Variants in AMBRA1 observed in about 807,000 individuals in gnomAD.
AMBRA1 encodes the protein activating molecule in BECN1-regulated autophagy protein 1.
AMBRA1 carries 47 observed loss-of-function variants against 125.4 expected under a neutral mutation model. The observed-to-expected ratio is 0.37, with a 90% CI of 0.30 to 0.48. AMBRA1 has a LOEUF of 0.48. AMBRA1 is among the 20% of genes least tolerant of loss of function. The pLI, the probability that AMBRA1 is intolerant of heterozygous loss-of-function variation, is 0.99. For synonymous variants in AMBRA1, 626 were observed against 655.5 expected (o/e 0.95, Z 0.69); for missense variants, 1,331 against 1,693.4 (o/e 0.79, Z 3.76).
intron 11 of AMBRA1, among the ~76,000 whole-genome samples, chr11:46,464,889 AC>A (rs1949256641): frequency 6.6e-6 from 1 of 152,114 alleles, no homozygotes; most frequent in African/African-American, 2.4e-5. Context: ...TACTAAAAAT[AC>A]AAAAATTAGC....
In AMBRA1 at chr11:46,475,076, AAC is replaced by A. The variant is rs560614715; in HGVS notation, c.2521+18530_2521+18531del. ...GAATTGAATATATCTTAAACTGAAA[AAC>A]AGTCTTATCAATAGAAAAAAAATTA... On this transcript the variant is annotated intron_variant, in intron 11 of 17. Coordinates refer to ENST00000683756, the MANE Select transcript of AMBRA1 (RefSeq NM_001387011.1). Among the ~76,000 whole-genome samples the A allele has an allele frequency of 2.7e-3, 407 of 152,276 alleles. 2 individuals are homozygous for A. Among genetic ancestry groups the A allele is most frequent in the African/African-American group, 9.3e-3 (385 of 41,560 alleles).
At position 46,543,174 on chromosome 11, in the gene AMBRA1, GC is replaced by G; in HGVS notation, c.842del (p.Arg281ProfsTer85). 1 of 1,570,062 alleles carries G rather than the reference GC, an allele frequency of 6.4e-7. No homozygotes were observed. The highest frequency in any genetic ancestry group is 8.6e-7 in the Non-Finnish European group (1 of 1,159,466). On this transcript the variant is annotated frameshift_variant, in exon 7 of 18. Transcript: ENST00000683756. LOFTEE classifies it high-confidence loss of function. ...GCCTGATGTAAGCGGAAGTCCTGGG[GC>G]GCTCCGTGGAGGGCTGAGGGGGAGG... is the stretch of plus-strand genomic sequence containing the variant. ...PPPPPQPSTE[R>X]PRTSAYIRLR...
At chr11:46,437,091 C>T (rs1947757867) in intron 12 of AMBRA1, among the ~76,000 whole-genome samples, 1 of 152,070 alleles carries the variant, frequency 6.6e-6, no homozygotes, top group Admixed American at 6.6e-5. Flanking sequence ...GCTATAGTAA[C>T]CCTCAAAACT....
chr11:46,438,060 C>T (rs1214125643), intron 12 of AMBRA1, among the ~76,000 whole-genome samples: 6 of 152,102 alleles, frequency 3.9e-5, no homozygotes, highest in Admixed American at 1.3e-4. Flanking sequence ...CTGAGAAATG[C>T]GACCTTGTCA....
intron 1 of AMBRA1, among the ~76,000 whole-genome samples, chr11:46,569,259 A>T (rs888092104): frequency 2.0e-5 from 3 of 149,520 alleles, no homozygotes; most frequent in African/African-American, 7.3e-5. Flanking sequence ...AAAAAAAAAA[A>T]GTAACCCTCC....
chr11:46,507,497 G>A (rs77047001), intron 9 of AMBRA1, among the ~76,000 whole-genome samples: 6,763 of 137,316 alleles, frequency 0.049, 493 homozygotes, highest in African/African-American at 0.16. Context: ...AAAAAAAAAA[G>A]ATTGGCTAGC....
intron 15 of AMBRA1, among the ~76,000 whole-genome samples, chr11:46,411,013 A>G (rs1946263104): frequency 6.6e-6 from 1 of 151,690 alleles, no homozygotes; most frequent in African/African-American, 2.4e-5. Context: ...AGGCAGGAGA[A>G]TCACTTGAAC....
intron 7 of AMBRA1, chr11:46,518,287 G>C (rs1312213661): frequency 5.3e-6 from 1 of 187,036 alleles, no homozygotes. Context: ...AAAATTAGCC[G>C]GGCGTGGTGG....
intron 1 of AMBRA1, among the ~76,000 whole-genome samples, chr11:46,563,342 G>A (rs1399313909): frequency 6.6e-6 from 1 of 151,952 alleles, no homozygotes; most frequent in Non-Finnish European, 1.5e-5. Context: ...TTCCCATCTC[G>A]GCCTCCCCAG....
chr11:46,438,333 A>G (rs1947828920), intron 12 of AMBRA1, among the ~76,000 whole-genome samples: 1 of 152,226 alleles, frequency 6.6e-6, no homozygotes, highest in South Asian at 2.1e-4. Context: ...ATGATTTCCA[A>G]GTGAAAATGC....
chr11:46,538,484 C>T (rs1338866184), intron 7 of AMBRA1, among the ~76,000 whole-genome samples: 1 of 152,006 alleles, frequency 6.6e-6, no homozygotes, highest in African/African-American at 2.4e-5. Context: ...AATTATGGTA[C>T]ATCCTTAATA....
chr11:46,525,989 T>C (rs1003895780), intron 7 of AMBRA1, among the ~76,000 whole-genome samples: 1 of 152,012 alleles, frequency 6.6e-6, no homozygotes, highest in African/African-American at 2.4e-5. Context: ...ACAGATCACC[T>C]GAGGTCGGGA....
chr11:46,494,833 T>TG (rs1406575120), intron 9 of AMBRA1: 1 of 152,408 alleles, frequency 6.6e-6, no homozygotes, highest in Non-Finnish European at 1.5e-5. Flanking sequence ...AAAGTCTGGG[T>TG]GTTTTCTTTA....
intron 12 of AMBRA1, among the ~76,000 whole-genome samples, chr11:46,441,371 G>C (rs761514982): frequency 6.6e-6 from 1 of 151,836 alleles, no homozygotes. Flanking sequence ...AAAATTAGCT[G>C]GGTGTGGTGG....
At chr11:46,419,940 A>G (rs1946763489) in intron 14 of AMBRA1, among the ~76,000 whole-genome samples, 1 of 149,176 alleles carries the variant, frequency 6.7e-6, no homozygotes, top group Admixed American at 6.7e-5. Flanking sequence ...CGTATCTGAA[A>G]GGCCTCTGAC....
rs186698509 is a variant in AMBRA1 at position 46,406,710 on chromosome 11, G to A, written c.3403+1803C>T. On this transcript the variant is annotated intron_variant, in intron 17 of 17. Coordinates refer to ENST00000683756, the MANE Select transcript of AMBRA1 (RefSeq NM_001387011.1). Reference sequence around the variant, plus strand: ...AGCCTGGCCAACATGGCGAAACCCCGTCTCTACTAAAAAATACAAAAATTA... The same window carrying A: ...AGCCTGGCCAACATGGCGAAACCCCATCTCTACTAAAAAATACAAAAATTA... Among the ~76,000 whole-genome samples, 634 of 151,744 alleles carry A rather than the reference G, an allele frequency of 4.2e-3. 2 individuals are homozygous for A. Among genetic ancestry groups the A allele is most frequent in the Non-Finnish European group, 6.6e-3 (447 of 67,932 alleles).
chr11:46,470,440 T>G (rs962170341), intron 11 of AMBRA1, among the ~76,000 whole-genome samples: 12 of 151,732 alleles, frequency 7.9e-5, no homozygotes, highest in Non-Finnish European at 1.6e-4. Flanking sequence ...ATACAAAAAA[T>G]TAGCCGGGCG....
chr11:46,412,887 G>C (rs1296169402), intron 15 of AMBRA1, among the ~76,000 whole-genome samples: 1 of 152,174 alleles, frequency 6.6e-6, no homozygotes, highest in Non-Finnish European at 1.5e-5. Flanking sequence ...GTCTGTGTTA[G>C]ATACTATGTG....
intron 10 of AMBRA1, 132 bp from the exon 11 acceptor site, chr11:46,493,840 CAA>C: frequency 1.4e-6 from 1 of 710,404 alleles, no homozygotes; most frequent in African/African-American, 1.8e-5. Context: ...TAAAATCTCC[CAA>C]GATTGGTCCT....
Sources: allele counts gnomAD v4.1 joint callset (sites outside exome capture counted in the v4.1 genomes callset), GRCh38; gene constraint gnomAD v4.1.1; transcripts MANE v1.5; gene names NCBI Gene and HGNC (gene_info 2026-07-23, HGNC 2026-07-21).